The following ZNF577 variants were observed in gnomAD, a reference collection of about 807,000 sequenced individuals.
ZNF577 encodes the protein zinc finger protein 577.
In ZNF577, 14 loss-of-function variants were observed where a neutral mutation model predicts 13.9. The observed-to-expected ratio is 1.00, with a 90% confidence interval of 0.66 to 1.57. The LOEUF (loss-of-function observed/expected upper bound fraction) is 1.57, where lower values mean the gene tolerates loss of function less well. Among genes scored for constraint, ZNF577 ranks in the 40% most tolerant of loss-of-function variants. The probability of loss-of-function intolerance (pLI) is 0.00; values close to 1 mark genes in which losing one functional copy is unlikely to be tolerated. For synonymous variants in ZNF577, 203 were observed against 202.9 expected, an observed-to-expected ratio of 1.00 and a Z score of 0.00; for missense variants, 555 against 579.2, an observed-to-expected ratio of 0.96 and a Z score of 0.43.
intron 5 of ZNF577, among the ~76,000 whole-genome samples, chr19:51,850,698 TAC>T (rs768903643): frequency 3.4e-4 from 52 of 152,248 alleles, no homozygotes; most frequent in Non-Finnish European, 5.9e-4. Context: ...TCCCCAAATT[TAC>T]AGTTGGTATT....
At chr19:51,814,210 T>G (rs1180391328) in intron 9 of ZNF577, among the ~76,000 whole-genome samples, 1 of 152,230 alleles carries the variant, frequency 6.6e-6, no homozygotes, top group Non-Finnish European at 1.5e-5. Flanking sequence ...CTTGTCTTCA[T>G]GGTTGTGTTG....
chr19:51,820,785 T>C (rs1467804198), intron 9 of ZNF577, among the ~76,000 whole-genome samples: 1 of 152,204 alleles, frequency 6.6e-6, no homozygotes, highest in Non-Finnish European at 1.5e-5. Context: ...AAATAATTAA[T>C]GTAACCAATA....
At position 51,824,347 on chromosome 19, in the gene ZNF577, T is replaced by C. The variant is rs2084214876; in HGVS notation, c.*600-12673A>G. 6 of 1,613,996 alleles carry C rather than the reference T, an allele frequency of 3.7e-6. No individual in the cohort carries two copies. The South Asian group carries it at 5.5e-5, about 15-fold the overall frequency. On this transcript the variant is annotated intron_variant and NMD_transcript_variant, in intron 9 of 10. Transcript: ENST00000638827. This position sits in a 1 kb window ranked among gnomAD's most constrained non-coding sequence, Gnocchi z 4.7. ...AACGTGTTCATTACCATGGCCAAGGTCTTTCTGATCCTCCACTTCATTATT... is the reference window on the plus strand; with the variant it reads ...AACGTGTTCATTACCATGGCCAAGGCCTTTCTGATCCTCCACTTCATTATT...
downstream of ZNF577, among the ~76,000 whole-genome samples, chr19:51,804,567 G>C (rs1049961935): frequency 2.0e-5 from 3 of 151,938 alleles, no homozygotes; most frequent in African/African-American, 7.3e-5. Context: ...GGATAAAAAG[G>C]CACTGATTTG....
intron 10 of ZNF577, among the ~76,000 whole-genome samples, chr19:51,810,475 C>A (rs1231857438): frequency 1.3e-5 from 2 of 152,110 alleles, no homozygotes; most frequent in African/African-American, 4.8e-5. Context: ...GAATTGCGGC[C>A]CAGGTGCATT....
chr19:51,815,861 C>CA (rs35067102), intron 9 of ZNF577, among the ~76,000 whole-genome samples: 37,307 of 131,152 alleles, frequency 0.28, 6,031 homozygotes, highest in Middle Eastern at 0.43. Flanking sequence ...GACCCTGTCT[C>CA]AAAAAAAAAA....
At chr19:51,886,109 T>C (rs1260504889) in intron 1 of ZNF577, 1 of 152,136 alleles carries the variant, frequency 6.6e-6, no homozygotes, top group Non-Finnish European at 1.5e-5. Flanking sequence ...TTTAAGATAA[T>C]AATTACCTTT....
rs766474536 is a variant in ZNF577 at position 51,824,812 on chromosome 19, G to A, written c.*600-13138C>T. 1.2e-6 allele frequency: 2 copies of A among 1,600,038 alleles called. No homozygotes were observed. Among genetic ancestry groups the A allele is most frequent in the Non-Finnish European group, 1.7e-6 (2 of 1,172,176 alleles). On this transcript the variant is annotated intron_variant and NMD_transcript_variant, in intron 9 of 10. Transcript: ENST00000638827. This position sits in a 1 kb window ranked among gnomAD's most constrained non-coding sequence, Gnocchi z 4.7. ...GAGACGGAGTTACAAGCAATGTGAG[G>A]TCGGGGATATTTTTGGGCTCTGTCT...
At chr19:51,825,483 T>C (rs534747052) in intron 9 of ZNF577, 15 of 167,092 alleles carry the variant, frequency 9.0e-5, no homozygotes, top group African/African-American at 3.6e-4. Context: ...CAAGGGAAGA[T>C]TAGAGTCCTG....
At chr19:51,835,761 C>T (rs768290727) in intron 9 of ZNF577, among the ~76,000 whole-genome samples, 41 of 152,056 alleles carry the variant, frequency 2.7e-4, no homozygotes, top group Non-Finnish European at 5.3e-4. Context: ...GGCACGATCT[C>T]GGCTCACTGC....
At chr19:51,852,569 G>C (rs188249794) in intron 5 of ZNF577, among the ~76,000 whole-genome samples, 147 of 151,006 alleles carry the variant, frequency 9.7e-4, no homozygotes, top group Admixed American at 2.1e-3. Context: ...AGGAAGAAGG[G>C]AACAGACAGG....
chr19:51,845,237 G>C (rs933594050), intron 5 of ZNF577, among the ~76,000 whole-genome samples: 1 of 152,136 alleles, frequency 6.6e-6, no homozygotes, highest in Non-Finnish European at 1.5e-5. Flanking sequence ...GCTCACACCT[G>C]TAATCCCAGC....
chr19:51,837,092 T>C (rs958141545), intron 9 of ZNF577, among the ~76,000 whole-genome samples: 5 of 147,272 alleles, frequency 3.4e-5, no homozygotes, highest in African/African-American at 1.0e-4. Flanking sequence ...TGAAAAGGAA[T>C]GTGAAGGAAA....
At chr19:51,854,496 A>AT (rs780953746) in intron 5 of ZNF577, among the ~76,000 whole-genome samples, 1,814 of 123,212 alleles carry the variant, frequency 0.015, 41 homozygotes, top group African/African-American at 0.039. Flanking sequence ...GCCCAGCTAA[A>AT]TTTTTTTTTT....
At chr19:51,873,755 T>C in intron 5 of ZNF577, 49 bp from the exon 6 acceptor site, 1 of 1,388,528 alleles carries the variant, frequency 7.2e-7, no homozygotes, top group Non-Finnish European at 9.8e-7. Context: ...TTATTGTGTC[T>C]TTACATTAAA....
Position 51,867,592 on chromosome 19 carries a change from A to G in ZNF577, c.*4940T>C, listed in dbSNP as rs10408912. Among the ~76,000 whole-genome samples the G allele has an allele frequency of 0.47, 69,414 of 148,592 alleles. 17,394 individuals carry two copies. Among genetic ancestry groups the G allele is most frequent in the African/African-American group, 0.65 (25,834 of 39,970 alleles). On this transcript the variant is annotated 3_prime_UTR_variant, in exon 6 of 6. Transcript: ENST00000638348. ...GTTCGAGACCAGACTGGCCAACATG[A>G]TGAAACCCCGTCTCTACTAAAAATA...
chr19:51,835,576 G>T (rs2122527567), intron 9 of ZNF577, among the ~76,000 whole-genome samples: 1 of 152,250 alleles, frequency 6.6e-6, no homozygotes, highest in South Asian at 2.1e-4. Context: ...CAAAAATTGT[G>T]CTTGAAGAAT....
chr19:51,808,469 G>T (rs1395158682), intron 10 of ZNF577, among the ~76,000 whole-genome samples: 1 of 152,184 alleles, frequency 6.6e-6, no homozygotes, highest in African/African-American at 2.4e-5. Context: ...AATGAATGAT[G>T]TAAGCAGTAG....
downstream of ZNF577, among the ~76,000 whole-genome samples, chr19:51,863,432 AATACT>A (rs1354034476): frequency 6.6e-6 from 1 of 152,230 alleles, no homozygotes; most frequent in Admixed American, 6.5e-5. Flanking sequence ...TTTAAATAAT[AATACT>A]ATATCAATGT....
Sources: gnomAD v4.1 joint callset for allele counts (sites outside exome capture counted in the v4.1 genomes callset) on GRCh38, gnomAD v4.1.1 for gene constraint, Gnocchi (gnomAD v3.1) non-coding constraint, MANE v1.5 for transcripts, NCBI Gene and HGNC (gene_info 2026-07-23, HGNC 2026-07-21) for gene names.